HMGCLL1: variants seen among roughly 807,000 people sequenced by gnomAD.
The protein encoded by HMGCLL1 is 3-hydroxy-3-methylglutaryl-CoA lyase like 1.
Under a neutral mutation model 39.1 loss-of-function variants are expected in HMGCLL1, and 36 were observed. The ratio of observed to expected loss-of-function variants is 0.92; its 90% CI spans 0.71 to 1.22. HMGCLL1 has a LOEUF of 1.22. Ranked by LOEUF, HMGCLL1 falls within the 50% of genes most tolerant of loss-of-function variation. The probability of loss-of-function intolerance (pLI) is 0.00; values close to 1 mark genes in which losing one functional copy is unlikely to be tolerated. For missense variants in HMGCLL1, 451 were observed against 416.5 expected (o/e 1.08, Z -0.72); for synonymous variants, 149 against 144.0 (o/e 1.03, Z -0.25).
chr6:55,634,313 C>G, the HMGCLL1 span, among the ~76,000 whole-genome samples: 1 of 151,992 alleles, frequency 6.6e-6, no homozygotes, highest in African/African-American at 2.4e-5. Context: ...TCAGCCACAA[C>G]ATCCAGCAAG....
chr6:55,516,521 C>A lies in HMGCLL1; in HGVS notation c.380G>T (p.Gly127Val), dbSNP rs1767745295. The A allele has an allele frequency of 6.3e-7, 1 of 1,593,034 alleles. No homozygotes were observed. Among genetic ancestry groups the A allele is most frequent in the African/African-American group, 1.3e-5 (1 of 74,786 alleles). Residue 127 changes from glycine to valine, a missense_variant, in exon 4 of 9, where the codon GGT becomes GTT. Gly to Val is a moderately radical substitution (Grantham distance 109). Transcript: ENST00000274901. ...TAGCACACTTACAGCATGGTGAAAACCCTGAAGATTAGGAGTAAGGACAGG... is the reference window on the plus strand; with the variant it reads ...TAGCACACTTACAGCATGGTGAAAAACCTGAAGATTAGGAGTAAGGACAGG... ...RYPVLTPNLQ[G>V]FHHAVAAGAT...
intron 7 of HMGCLL1, among the ~76,000 whole-genome samples, chr6:55,493,739 GT>G (rs10708618): frequency 0.53 from 79,540 of 148,898 alleles, 21,217 homozygotes; most frequent in African/African-American, 0.63. Context: ...TTTTGTTTTT[GT>G]TTTTTTTTTT....
intron 5 of HMGCLL1, among the ~76,000 whole-genome samples, chr6:55,506,269 C>G (rs1380366679): frequency 6.6e-6 from 1 of 151,538 alleles, no homozygotes; most frequent in Non-Finnish European, 1.5e-5. Context: ...CTTTCTATAC[C>G]TTTTTGCTCT....
the HMGCLL1 span, among the ~76,000 whole-genome samples, chr6:55,676,433 A>G: frequency 6.6e-6 from 1 of 152,184 alleles, no homozygotes. Flanking sequence ...ATATTGCCTT[A>G]TAAAAACCTG....
intron 5 of HMGCLL1, among the ~76,000 whole-genome samples, chr6:55,503,153 C>T (rs1766981843): frequency 6.6e-6 from 1 of 151,136 alleles, no homozygotes; most frequent in South Asian, 2.1e-4. Context: ...GCTTTCTGCC[C>T]TTACCCTGTG....
At chr6:55,604,656 A>G in the HMGCLL1 span, among the ~76,000 whole-genome samples, 1 of 152,180 alleles carries the variant, frequency 6.6e-6, no homozygotes, top group Admixed American at 6.6e-5. Flanking sequence ...TAAACTTTTT[A>G]AAAAGTTTTT....
the HMGCLL1 span, among the ~76,000 whole-genome samples, chr6:55,585,831 T>C: frequency 1.3e-5 from 2 of 152,114 alleles, no homozygotes; most frequent in Non-Finnish European, 2.9e-5. Context: ...TAAGTATGAA[T>C]ATATATTTAA....
intron 7 of HMGCLL1, among the ~76,000 whole-genome samples, chr6:55,453,581 G>A (rs1414254264): frequency 6.6e-6 from 1 of 152,178 alleles, no homozygotes; most frequent in East Asian, 1.9e-4. Context: ...TCTATGAAAT[G>A]AAGGTCTATC....
intron 1 of HMGCLL1, among the ~76,000 whole-genome samples, chr6:55,575,829 C>A (rs1232102342): frequency 6.6e-6 from 1 of 152,122 alleles, no homozygotes; most frequent in Non-Finnish European, 1.5e-5. Context: ...ACCATGTCCC[C>A]ATTCTCACTG....
rs1766532028 is a variant in HMGCLL1 at position 55,495,555 on chromosome 6, G to A, written c.659C>T (p.Thr220Ile). ...ACTTCCTGGAGTTCCCACTCCAATTGTGTCTCCTAGAGAGATCTCATAACA... is the reference window on the plus strand; with the variant it reads ...ACTTCCTGGAGTTCCCACTCCAATTATGTCTCCTAGAGAGATCTCATAACA... ...MGCYEISLGD[T>I]IGVGTPGSMK... is the part of the protein sequence containing the mutation. Residue 220 changes from threonine to isoleucine, a missense_variant, in exon 7 of 9, where the codon ACA becomes ATA. Coordinates refer to ENST00000274901, the MANE Select transcript of HMGCLL1 (RefSeq NM_001042406.2). 1 of 1,613,448 alleles carries A rather than the reference G, an allele frequency of 6.2e-7. No homozygotes were observed. The highest frequency in any genetic ancestry group is 8.5e-7 in the Non-Finnish European group (1 of 1,179,556).
rs74340389 is a variant in HMGCLL1, at chr6:55,527,831, C to G, written c.298-11228G>C. Reference sequence around the variant, plus strand: ...CATATCTTGCTCAGAGAAATATCAACAAGATAGTCAAGGATATTTTTTAAA... The same window carrying G: ...CATATCTTGCTCAGAGAAATATCAAGAAGATAGTCAAGGATATTTTTTAAA... On this transcript the variant is annotated intron_variant, in intron 3 of 8. Coordinates refer to ENST00000274901, the MANE Select transcript of HMGCLL1 (RefSeq NM_001042406.2). 3.0e-3 allele frequency among the ~76,000 whole-genome samples: 452 copies of G among 152,094 alleles called. 3 individuals are homozygous for G. The highest frequency in any genetic ancestry group is 0.01 in the African/African-American group (420 of 41,528).
chr6:55,638,222 A>G, the HMGCLL1 span, among the ~76,000 whole-genome samples: 1 of 151,984 alleles, frequency 6.6e-6, no homozygotes, highest in Non-Finnish European at 1.5e-5. Flanking sequence ...CCTGGCCAAC[A>G]TAGTGAAACC....
At chr6:55,507,339 T>C (rs1767222931) in intron 5 of HMGCLL1, among the ~76,000 whole-genome samples, 1 of 151,736 alleles carries the variant, frequency 6.6e-6, no homozygotes. Flanking sequence ...ATACATCTCC[T>C]GCAGACAAGG....
chr6:55,617,141 CA>C, the HMGCLL1 span, among the ~76,000 whole-genome samples: 39 of 151,790 alleles, frequency 2.6e-4, no homozygotes, highest in East Asian at 6.6e-3. Flanking sequence ...CATCCTGTCA[CA>C]AAAAAAACCC....
chr6:55,650,106 T>TATACACACATATAC, the HMGCLL1 span, among the ~76,000 whole-genome samples: 2 of 71,152 alleles, frequency 2.8e-5, no homozygotes, highest in African/African-American at 1.3e-4. Context: ...TATATATATA[T>TATACACACATATAC]ATATATATAT....
intron 3 of HMGCLL1, among the ~76,000 whole-genome samples, chr6:55,532,018 C>A (rs1021848059): frequency 6.6e-5 from 10 of 152,098 alleles, no homozygotes; most frequent in African/African-American, 2.4e-4. Flanking sequence ...GAAACTACCT[C>A]CCACCTCCCC....
At chr6:55,637,191 G>A in the HMGCLL1 span, among the ~76,000 whole-genome samples, 1 of 152,218 alleles carries the variant, frequency 6.6e-6, no homozygotes, top group East Asian at 1.9e-4. Context: ...TAGACTTGAC[G>A]AGCTTTTATT....
intron 3 of HMGCLL1, among the ~76,000 whole-genome samples, chr6:55,534,044 C>A (rs926869088): frequency 6.6e-6 from 1 of 152,066 alleles, no homozygotes; most frequent in Non-Finnish European, 1.5e-5. Context: ...GGTGTGTGTT[C>A]ACTGTTTTCA....
At chr6:55,476,279 A>T (rs181710660) in intron 7 of HMGCLL1, among the ~76,000 whole-genome samples, 117 of 151,814 alleles carry the variant, frequency 7.7e-4, no homozygotes, top group African/African-American at 2.7e-3. Flanking sequence ...ATAGTAATAT[A>T]ACATGTCTGT....
Sources: gnomAD v4.1 joint callset for allele counts (sites outside exome capture counted in the v4.1 genomes callset) on GRCh38, gnomAD v4.1.1 for gene constraint, MANE v1.5 for transcripts, NCBI Gene and HGNC (gene_info 2026-07-23, HGNC 2026-07-21) for gene names.